GNPAT: variants seen among roughly 807,000 people sequenced by gnomAD.
The protein encoded by GNPAT is glyceronephosphate O-acyltransferase.
A neutral mutation model predicts 78.4 loss-of-function variants in GNPAT; 30 were observed. The ratio of observed to expected loss-of-function variants is 0.38; its 90% CI spans 0.29 to 0.52. The LOEUF (loss-of-function observed/expected upper bound fraction) is 0.52. Ranked by LOEUF, GNPAT falls within the 20% of genes least tolerant of loss-of-function variation. The pLI is 0.84. For missense variants in GNPAT, 714 were observed against 812.2 expected (o/e 0.88, Z 1.47); for synonymous variants, 271 against 281.1 (o/e 0.96, Z 0.36).
chr1:231,274,071 A>G lies in GNPAT; in HGVS notation c.1743+9A>G, dbSNP rs759802308. ...TTGTGGAAAGCTATCAGGTATGTAA[A>G]TTTGGCAAGTTCTCCTTCATGCCCC... is the stretch of plus-strand genomic sequence containing the variant. On this transcript the variant is annotated intron_variant, in intron 12 of 15. Coordinates refer to ENST00000366647, the MANE Select transcript of GNPAT (RefSeq NM_014236.4). 1 of 1,612,068 alleles carries G rather than the reference A, an allele frequency of 6.2e-7. No homozygotes were observed. Among genetic ancestry groups the G allele is most frequent in the South Asian group, 1.1e-5 (1 of 91,010 alleles).
chr1:231,270,011 T>C (rs1571954592), intron 9 of GNPAT: 2 of 153,208 alleles, frequency 1.3e-5, no homozygotes, highest in Admixed American at 6.5e-5. Context: ...CTCTCACTTG[T>C]CCCTGCCTTG....
intron 3 of GNPAT, 109 bp downstream of exon 3, chr1:231,260,792 A>G: frequency 2.6e-6 from 2 of 768,054 alleles, no homozygotes; most frequent in Non-Finnish European, 4.3e-6. Flanking sequence ...CAACTCAAGG[A>G]CAGCTCACTT....
In GNPAT at chr1:231,267,919, A is replaced by T; in HGVS notation, c.1279+16A>T. On this transcript the variant is annotated intron_variant, in intron 9 of 15. Transcript: ENST00000366647. ...ATTTGGCCTGGTATGTAGGTAGGACATATGTGTTGAGAATGCTTGCTTAAT... is the reference window on the plus strand; with the variant it reads ...ATTTGGCCTGGTATGTAGGTAGGACTTATGTGTTGAGAATGCTTGCTTAAT... The T allele has an allele frequency of 7.0e-7, 1 of 1,422,400 alleles. No individual in the cohort carries two copies. The highest frequency in any genetic ancestry group is 1.0e-6 in the Non-Finnish European group (1 of 1,004,808). 88.1% of individuals were successfully genotyped at this position (1,422,400 alleles called of 1,614,324 possible).
At chr1:231,252,913 G>C (rs190202981) in intron 2 of GNPAT, among the ~76,000 whole-genome samples, 1 of 152,002 alleles carries the variant, frequency 6.6e-6, no homozygotes, top group South Asian at 2.1e-4. Context: ...AACTGACTCC[G>C]TTCATGTTTA....
intron 2 of GNPAT, among the ~76,000 whole-genome samples, chr1:231,253,520 T>C (rs1333803681): frequency 6.6e-6 from 1 of 152,236 alleles, no homozygotes; most frequent in Non-Finnish European, 1.5e-5. Context: ...CTTGGGAACA[T>C]TTTTATCTCT....
At chr1:231,264,817 G>C (rs1260834678) in intron 4 of GNPAT, among the ~76,000 whole-genome samples, 1 of 152,178 alleles carries the variant, frequency 6.6e-6, no homozygotes, top group East Asian at 1.9e-4. Context: ...TCAGCAGCAT[G>C]GCTGACTAAA....
intron 1 of GNPAT, among the ~76,000 whole-genome samples, chr1:231,243,154 A>T (rs1684659536): frequency 6.6e-6 from 1 of 152,254 alleles, no homozygotes; most frequent in South Asian, 2.1e-4. Context: ...GGGCACAAAA[A>T]GTCATAAAAG....
intron 12 of GNPAT, 82 bp downstream of exon 12, chr1:231,274,144 C>T (rs768594268): frequency 4.1e-5 from 51 of 1,238,464 alleles, no homozygotes; most frequent in Admixed American, 3.2e-4. Context: ...TATTTCCAGT[C>T]TGAAGGGCAG....
Position 231,267,923 on chromosome 1 carries a change from G to A in GNPAT, c.1279+20G>A. 7.3e-7 allele frequency: 1 copy of A among 1,379,224 alleles called. No individual in the cohort carries two copies. The highest frequency in any genetic ancestry group is 1.0e-6 in the Non-Finnish European group (1 of 965,396). 85.4% of individuals were successfully genotyped at this position (1,379,224 alleles called of 1,614,324 possible). On this transcript the variant is annotated intron_variant, in intron 9 of 15. Transcript: ENST00000366647. ...GGCCTGGTATGTAGGTAGGACATATGTGTTGAGAATGCTTGCTTAATTTGG... is the reference window on the plus strand; with the variant it reads ...GGCCTGGTATGTAGGTAGGACATATATGTTGAGAATGCTTGCTTAATTTGG...
intron 2 of GNPAT, among the ~76,000 whole-genome samples, chr1:231,257,630 C>T (rs532005452): frequency 3.9e-5 from 6 of 152,304 alleles, no homozygotes; most frequent in African/African-American, 9.6e-5. Context: ...TGAACCTTCA[C>T]GCTTCTTACC....
intron 15 of GNPAT, among the ~76,000 whole-genome samples, chr1:231,276,804 C>G (rs185151073): frequency 6.6e-6 from 1 of 152,104 alleles, no homozygotes; most frequent in African/African-American, 2.4e-5. Context: ...AGCAATGATG[C>G]GGCCATTTTA....
rs767419807 is a variant in GNPAT at position 231,270,977 on chromosome 1, A to G, written c.1499A>G (p.Gln500Arg). The G allele has an allele frequency of 2.2e-5, 35 of 1,614,048 alleles. No homozygotes were observed. In the Admixed American group the frequency reaches 5.8e-4, roughly 27 times the overall value. ...VRPSLVAVAL[Q>R]MTPGFRKEDV... is the part of the protein sequence containing the mutation. ...CCATCCTTAGTAGCAGTAGCATTGC[A>G]GATGACACCAGGGTTCAGGAAAGGT... The change falls in exon 10 of 16, where the codon CAG becomes CGG. Residue 500 changes from glutamine to arginine, a missense_variant. Coordinates refer to ENST00000366647, the MANE Select transcript of GNPAT (RefSeq NM_014236.4).
At position 231,275,483 on chromosome 1, in the gene GNPAT, T is replaced by G; in HGVS notation, c.1922T>G (p.Val641Gly). 1 of 1,594,320 alleles carries G rather than the reference T, an allele frequency of 6.3e-7. No homozygotes were observed. The highest frequency in any genetic ancestry group is 8.6e-7 in the Non-Finnish European group (1 of 1,161,914). Residue 641 changes from valine to glycine, a missense_variant, in exon 14 of 16, where the codon GTG becomes GGG. Physicochemically the swap from Val to Gly is moderately radical, Grantham distance 109. Coordinates refer to ENST00000366647, the MANE Select transcript of GNPAT (RefSeq NM_014236.4). Reference sequence around the variant, plus strand: ...GCAGCCTGTGTGAGGCTCGGAGTAGTGGAGAAGAAGAAGATGTAAGTACTG... The same window carrying G: ...GCAGCCTGTGTGAGGCTCGGAGTAGGGGAGAAGAAGAAGATGTAAGTACTG... ...ALAACVRLGV[V>G]EKKKINNNCI...
chr1:231,257,662 T>C (rs1369420244), intron 2 of GNPAT, among the ~76,000 whole-genome samples: 1 of 152,196 alleles, frequency 6.6e-6, no homozygotes, highest in Non-Finnish European at 1.5e-5. Flanking sequence ...GTCTCCCTGG[T>C]CCATTTTATC....
intron 1 of GNPAT, among the ~76,000 whole-genome samples, chr1:231,250,343 G>A (rs1266399403): frequency 6.6e-6 from 1 of 152,056 alleles, no homozygotes; most frequent in Non-Finnish European, 1.5e-5. Flanking sequence ...AGGCAGGAGG[G>A]AGGATTGCTT....
chr1:231,275,177 C>G (rs1337793257), intron 12 of GNPAT, 44 bp from the exon 13 acceptor site: 3 of 1,146,010 alleles, frequency 2.6e-6, no homozygotes, highest in Non-Finnish European at 2.6e-6. Context: ...ACTTGGCTAT[C>G]CTTTTTCTCT....
Position 231,266,018 on chromosome 1 carries a change from T to C in GNPAT, c.777T>C (p.Leu259=). The change falls in exon 7 of 16, where the codon CTT becomes CTC. Residue 259 remains leucine (L), a synonymous_variant. Transcript: ENST00000366647. ...ATTTCTCCCTGTGTTTTGCAGGTCT[T>C]CTGAATATTGTGATGGAGCCATTTT... ...SAKTLTPKFG[L]LNIVMEPFFK... is the part of the protein sequence containing the mutation. 6.2e-7 allele frequency: 1 copy of C among 1,612,232 alleles called. No individual in the cohort carries two copies. The highest frequency in any genetic ancestry group is 8.5e-7 in the Non-Finnish European group (1 of 1,179,098).
At chr1:231,244,163 C>T (rs2761583) in intron 1 of GNPAT, among the ~76,000 whole-genome samples, 76,588 of 151,930 alleles carry the variant, frequency 0.5, 19,483 homozygotes, top group South Asian at 0.59. Flanking sequence ...CCTGCCTTGG[C>T]CTTCCAAAGT....
intron 3 of GNPAT, 52 bp downstream of exon 3, chr1:231,260,735 T>TAA: frequency 8.3e-7 from 1 of 1,200,050 alleles, no homozygotes; most frequent in South Asian, 1.3e-5. Flanking sequence ...ATCTTAAAAT[T>TAA]AAACAAAAAA....
Sources: gnomAD v4.1 joint callset for allele counts (sites outside exome capture counted in the v4.1 genomes callset) on GRCh38, gnomAD v4.1.1 for gene constraint, MANE v1.5 for transcripts, NCBI Gene and HGNC (gene_info 2026-07-23, HGNC 2026-07-21) for gene names.